The following MLF1 variants were observed in gnomAD, a reference collection of about 807,000 sequenced individuals.
MLF1 encodes myelodysplasia-myeloid leukemia factor 1.
Under a neutral mutation model 38.3 loss-of-function variants are expected in MLF1, and 37 were observed. That is an observed-to-expected ratio of 0.96 (90% confidence interval 0.74 to 1.27). MLF1 has a LOEUF of 1.27. Ranked by LOEUF, MLF1 falls within the 50% of genes most tolerant of loss-of-function variation. The probability of loss-of-function intolerance (pLI) is 0.00; values close to 1 mark genes in which losing one functional copy is unlikely to be tolerated. For missense variants in MLF1, 331 were observed against 349.2 expected (o/e 0.95, Z 0.42); for synonymous variants, 95 against 106.5 (o/e 0.89, Z 0.66).
chr3:158,597,958 C>T (rs1478181455), intron 4 of MLF1, 122 bp from the exon 5 acceptor site: 7 of 1,075,774 alleles, frequency 6.5e-6, no homozygotes, highest in East Asian at 2.4e-5. Flanking sequence ...CCTTTGACTA[C>T]ACCATATTGG....
chr3:158,571,214 T>C lies in MLF1; in HGVS notation c.-87T>C. 1 of 1,104,340 alleles carries C rather than the reference T, an allele frequency of 9.1e-7. No homozygotes were observed. The allele number at this position is 1,104,340 out of a possible 1,614,324, so 68.4% of individuals were successfully genotyped here. On this transcript the variant is annotated 5_prime_UTR_variant, in exon 1 of 8. Coordinates refer to ENST00000466246, the MANE Select transcript of MLF1 (RefSeq NM_001369783.1). ...GCGGCGAGTGAGGCGTCGTCCGTAC[T>C]GGAGGCTAGCTCTTGTCGCGGCCGC... is the stretch of plus-strand genomic sequence containing the variant.
intron 5 of MLF1, among the ~76,000 whole-genome samples, chr3:158,598,695 C>T (rs941706251): frequency 1.3e-5 from 2 of 152,072 alleles, no homozygotes; most frequent in Non-Finnish European, 2.9e-5. Flanking sequence ...TTCAAGTTGT[C>T]TCTTGCTTTG....
intron 3 of MLF1, among the ~76,000 whole-genome samples, chr3:158,596,320 A>G (rs1319206728): frequency 6.6e-6 from 1 of 152,102 alleles, no homozygotes; most frequent in Admixed American, 6.6e-5. Context: ...AAGGCCTATT[A>G]GTAAAGTGAA....
Position 158,606,305 on chromosome 3 carries a change from T to C in MLF1, c.*1103T>C, listed in dbSNP as rs1263879473. 4.0e-5 allele frequency: 7 copies of C among 173,134 alleles called. No homozygotes were observed. The East Asian group carries it at 7.2e-4, about 18-fold the overall frequency. The allele number at this position is 173,134 out of a possible 1,614,324, so 10.7% of individuals were successfully genotyped here. ...AAAAGCCCCCAAAAATTGCTATCAC[T>C]CTATAATCCTAAGTATTTTTCTTTT... On this transcript the variant is annotated 3_prime_UTR_variant, in exon 8 of 8. Transcript: ENST00000466246.
chr3:158,600,497 G>A (rs757994573), intron 6 of MLF1, among the ~76,000 whole-genome samples: 79 of 151,232 alleles, frequency 5.2e-4, no homozygotes, highest in Non-Finnish European at 9.7e-4. Context: ...CATTTGAAAA[G>A]TATAAAGACA....
chr3:158,588,545 G>A (rs1318230334), intron 1 of MLF1, among the ~76,000 whole-genome samples: 1 of 147,690 alleles, frequency 6.8e-6, no homozygotes, highest in Non-Finnish European at 1.5e-5. Flanking sequence ...AGCTTGCAGT[G>A]AGCCGAGATC....
chr3:158,572,940 G>A lies in MLF1; in HGVS notation c.47+1593G>A, dbSNP rs138204441. ...GGTGCCTGCTGCTTTCCATTTGGCCGGACTTTGGGTGCCCGTCATGGCTTC... is the reference window on the plus strand; with the variant it reads ...GGTGCCTGCTGCTTTCCATTTGGCCAGACTTTGGGTGCCCGTCATGGCTTC... On this transcript the variant is annotated intron_variant, in intron 1 of 7. Transcript: ENST00000466246. Among the ~76,000 whole-genome samples, 82 of 151,742 alleles carry A rather than the reference G, an allele frequency of 5.4e-4. 1 individual carries two copies. In the South Asian group the frequency reaches 0.012, roughly 22 times the overall value.
chr3:158,590,429 T>A (rs1016003545), intron 1 of MLF1, among the ~76,000 whole-genome samples: 1 of 152,194 alleles, frequency 6.6e-6, no homozygotes, highest in African/African-American at 2.4e-5. Flanking sequence ...CTCTGAGGTG[T>A]TTACTTAAGT....
At chr3:158,580,929 C>A (rs947286859) in intron 1 of MLF1, among the ~76,000 whole-genome samples, 1 of 152,084 alleles carries the variant, frequency 6.6e-6, no homozygotes, top group African/African-American at 2.4e-5. Flanking sequence ...CTCCAGCTGA[C>A]AGAATGAAAC....
intron 1 of MLF1, among the ~76,000 whole-genome samples, chr3:158,578,956 T>C (rs1326396153): frequency 1.3e-5 from 2 of 152,182 alleles, no homozygotes; most frequent in African/African-American, 2.4e-5. Flanking sequence ...CTGCAACATA[T>C]ACCATGAACG....
intron 1 of MLF1, among the ~76,000 whole-genome samples, chr3:158,579,530 C>A (rs1460799058): frequency 6.6e-6 from 1 of 152,118 alleles, no homozygotes; most frequent in East Asian, 1.9e-4. Flanking sequence ...TTAGCATTTG[C>A]TGAACATACA....
At chr3:158,584,650 A>G (rs1716917762) in intron 1 of MLF1, among the ~76,000 whole-genome samples, 1 of 139,790 alleles carries the variant, frequency 7.2e-6, no homozygotes, top group Admixed American at 7.6e-5. Context: ...TTTAATCTCC[A>G]TAAAGAAAGT....
chr3:158,577,595 G>T (rs192397343), intron 1 of MLF1, among the ~76,000 whole-genome samples: 2 of 152,230 alleles, frequency 1.3e-5, no homozygotes, highest in East Asian at 3.9e-4. Context: ...TCTTATAAAT[G>T]AACTTTGCAA....
At chr3:158,604,236 A>G (rs949148149) in intron 7 of MLF1, among the ~76,000 whole-genome samples, 1 of 152,230 alleles carries the variant, frequency 6.6e-6, no homozygotes, top group Non-Finnish European at 1.5e-5. Flanking sequence ...TGTATTGATT[A>G]AAAACCTGGC....
chr3:158,590,740 T>C (rs1717994289), intron 1 of MLF1: 1 of 454,974 alleles, frequency 2.2e-6, no homozygotes, highest in African/African-American at 2.0e-5. Context: ...CAGGTAATTA[T>C]CTGCAAAGAG....
At chr3:158,583,496 AAG>A (rs1276736524) in intron 1 of MLF1, among the ~76,000 whole-genome samples, 1 of 152,190 alleles carries the variant, frequency 6.6e-6, no homozygotes, top group African/African-American at 2.4e-5. Flanking sequence ...TAATAGAAAA[AAG>A]GTATGTCTAT....
At chr3:158,574,517 A>ACAAAAAC (rs1715083822) in intron 1 of MLF1, among the ~76,000 whole-genome samples, 1 of 137,170 alleles carries the variant, frequency 7.3e-6, no homozygotes, top group African/African-American at 3.0e-5. Context: ...AAAAAAAAAA[A>ACAAAAAC]AAAAAAAAAA....
At chr3:158,602,352 A>G (rs1263156726) in intron 6 of MLF1, among the ~76,000 whole-genome samples, 2 of 152,210 alleles carry the variant, frequency 1.3e-5, no homozygotes, top group African/African-American at 4.8e-5. Flanking sequence ...TAACAACATG[A>G]ATTGACATTC....
At chr3:158,601,557 G>A (rs1015523986) in intron 6 of MLF1, among the ~76,000 whole-genome samples, 6 of 148,294 alleles carry the variant, frequency 4.0e-5, no homozygotes, top group East Asian at 2.0e-4. Context: ...GCGACAGAGC[G>A]AGACTCTGTC....
Sources: gnomAD v4.1 joint callset for allele counts (sites outside exome capture counted in the v4.1 genomes callset) on GRCh38, gnomAD v4.1.1 for gene constraint, MANE v1.5 for transcripts, NCBI Gene and HGNC (gene_info 2026-07-23, HGNC 2026-07-21) for gene names.